TMEM117: variants seen among roughly 807,000 people sequenced by gnomAD.
TMEM117 encodes the protein transmembrane protein 117.
In TMEM117, 27 loss-of-function variants were observed where a neutral mutation model predicts 52.4. The observed-to-expected ratio is 0.51, with a 90% CI of 0.38 to 0.71. The LOEUF (loss-of-function observed/expected upper bound fraction) is 0.71. TMEM117 is among the 30% of genes least tolerant of loss of function. The probability of loss-of-function intolerance (pLI) is 0.00; values close to 1 mark genes in which losing one functional copy is unlikely to be tolerated. For missense variants in TMEM117, 556 were observed against 630.5 expected (o/e 0.88, Z 1.26); for synonymous variants, 215 against 206.3 (o/e 1.04, Z -0.36).
chr12:44,366,067 C>T lies in TMEM117; in HGVS notation c.769-10528C>T, dbSNP rs564254101. On this transcript the variant is annotated intron_variant, in intron 6 of 7. Transcript: ENST00000266534. Reference sequence around the variant, plus strand: ...ATATTCTTTGAGAATAGATGTTTTTCATCTAGTGAGCATTGAGTAACTGTT... The same window carrying T: ...ATATTCTTTGAGAATAGATGTTTTTTATCTAGTGAGCATTGAGTAACTGTT... Among the ~76,000 whole-genome samples, 3 of 152,120 alleles carry T rather than the reference C, an allele frequency of 2.0e-5. No homozygotes were observed. In the South Asian group the frequency reaches 6.2e-4, roughly 32 times the overall value.
intron 4 of TMEM117, among the ~76,000 whole-genome samples, chr12:44,155,836 C>G (rs1312998565): frequency 6.6e-6 from 1 of 152,066 alleles, no homozygotes; most frequent in African/African-American, 2.4e-5. Flanking sequence ...GCTTTTTAAA[C>G]AGGGCACATT....
At chr12:44,155,740 C>T (rs1351957859) in intron 4 of TMEM117, among the ~76,000 whole-genome samples, 5 of 152,034 alleles carry the variant, frequency 3.3e-5, no homozygotes, top group Non-Finnish European at 5.9e-5. Flanking sequence ...ATTCAGTTTA[C>T]AACAAAAATA....
chr12:43,816,059 A>G, the TMEM117 span, among the ~76,000 whole-genome samples: 2 of 152,194 alleles, frequency 1.3e-5, no homozygotes, highest in African/African-American at 4.8e-5. Flanking sequence ...TGTGTTGTGA[A>G]GATTTTTTTA....
intron 3 of TMEM117, among the ~76,000 whole-genome samples, chr12:43,949,388 T>C (rs911451058): frequency 6.6e-6 from 1 of 152,176 alleles, no homozygotes; most frequent in African/African-American, 2.4e-5. Context: ...GTTTGCATGC[T>C]CAGTAGCCTG....
chr12:43,971,479 G>A (rs1462254107), intron 3 of TMEM117, among the ~76,000 whole-genome samples: 1 of 152,156 alleles, frequency 6.6e-6, no homozygotes, highest in East Asian at 1.9e-4. Context: ...TCTATGAAGA[G>A]GACTTTCTTT....
chr12:43,878,091 A>G (rs1472840520), intron 2 of TMEM117, among the ~76,000 whole-genome samples: 2 of 152,144 alleles, frequency 1.3e-5, no homozygotes, highest in East Asian at 1.9e-4. Flanking sequence ...TGTAAGAAAA[A>G]GTAAATAAGG....
chr12:44,131,226 C>A (rs927311015), intron 3 of TMEM117, among the ~76,000 whole-genome samples: 2 of 152,086 alleles, frequency 1.3e-5, no homozygotes, highest in African/African-American at 4.8e-5. Context: ...ATTTACTCTG[C>A]CTCATTGAGG....
chr12:43,882,093 A>AAACAAC (rs141701758), intron 2 of TMEM117, among the ~76,000 whole-genome samples: 2 of 152,036 alleles, frequency 1.3e-5, no homozygotes, highest in Non-Finnish European at 2.9e-5. Flanking sequence ...ACAAACTAAA[A>AAACAAC]AACAACAACA....
At chr12:43,976,638 C>G (rs1945675728) in intron 3 of TMEM117, among the ~76,000 whole-genome samples, 2 of 152,154 alleles carry the variant, frequency 1.3e-5, no homozygotes, top group South Asian at 4.1e-4. Context: ...CAGCTGCTTT[C>G]AGCTCATTCT....
intron 5 of TMEM117, among the ~76,000 whole-genome samples, chr12:44,281,948 G>C (rs1374267613): frequency 6.6e-6 from 1 of 152,120 alleles, no homozygotes; most frequent in African/African-American, 2.4e-5. Context: ...ATGTCAACTT[G>C]AGTTGTAGCT....
At chr12:44,348,675 A>G (rs1951523643) in intron 6 of TMEM117, among the ~76,000 whole-genome samples, 1 of 151,932 alleles carries the variant, frequency 6.6e-6, no homozygotes. Context: ...GAATAATGGG[A>G]AGGGCATTTT....
chr12:43,858,734 A>G (rs1943440170), intron 2 of TMEM117, among the ~76,000 whole-genome samples: 1 of 152,218 alleles, frequency 6.6e-6, no homozygotes, highest in Non-Finnish European at 1.5e-5. Flanking sequence ...CAAACCTGAG[A>G]GAGTGAGTTG....
At chr12:43,996,238 G>A (rs906758469) in intron 3 of TMEM117, among the ~76,000 whole-genome samples, 2 of 152,080 alleles carry the variant, frequency 1.3e-5, no homozygotes, top group African/African-American at 4.8e-5. Flanking sequence ...AGTGATTTTG[G>A]TATATATTAT....
At chr12:43,915,385 G>T (rs1237899216) in intron 2 of TMEM117, among the ~76,000 whole-genome samples, 9 of 152,182 alleles carry the variant, frequency 5.9e-5, no homozygotes, top group Non-Finnish European at 1.2e-4. Flanking sequence ...TGGTTCATCA[G>T]TCATAGTTCT....
intron 2 of TMEM117, among the ~76,000 whole-genome samples, chr12:43,867,171 A>G (rs1943616430): frequency 6.6e-6 from 1 of 152,210 alleles, no homozygotes. Flanking sequence ...GTAACATGAT[A>G]CTATAAAATA....
At chr12:44,354,827 C>A in intron 6 of TMEM117, among the ~76,000 whole-genome samples, 1 of 151,862 alleles carries the variant, frequency 6.6e-6, no homozygotes, top group African/African-American at 2.4e-5. Context: ...AAAAAAAAAT[C>A]ACTGAAAACA....
chr12:44,214,278 T>C (rs755038054), intron 5 of TMEM117, among the ~76,000 whole-genome samples: 30 of 151,942 alleles, frequency 2.0e-4, no homozygotes, highest in Admixed American at 1.2e-3. Context: ...CCAGAGTAGC[T>C]GGGATTACAG....
chr12:44,011,240 C>G (rs1946285477), intron 3 of TMEM117, among the ~76,000 whole-genome samples: 1 of 152,142 alleles, frequency 6.6e-6, no homozygotes, highest in African/African-American at 2.4e-5. Flanking sequence ...GGGATACATT[C>G]TAAGACTTCT....
At chr12:43,936,469 A>G (rs903887459) in intron 2 of TMEM117, among the ~76,000 whole-genome samples, 1 of 152,130 alleles carries the variant, frequency 6.6e-6, no homozygotes, top group African/African-American at 2.4e-5. Context: ...TGTGAAGCTC[A>G]GGAGGAAAAA....
Sources: gnomAD v4.1 joint callset for allele counts (sites outside exome capture counted in the v4.1 genomes callset) on GRCh38, gnomAD v4.1.1 for gene constraint, MANE v1.5 for transcripts, NCBI Gene and HGNC (gene_info 2026-07-23, HGNC 2026-07-21) for gene names.